The following SKP2 variants were observed in gnomAD, a reference collection of about 807,000 sequenced individuals.
The protein encoded by SKP2 is S-phase kinase associated protein 2, also known as S-phase kinase-associated protein 2.
Under a neutral mutation model 51.8 loss-of-function variants are expected in SKP2, and 16 were observed. The ratio of observed to expected loss-of-function variants is 0.31; its 90% CI spans 0.21 to 0.47. The LOEUF is 0.47. Among genes scored for constraint, SKP2 ranks in the 20% least tolerant of loss-of-function variants. SKP2 has a pLI of 1.00. For synonymous variants in SKP2, 176 were observed against 198.6 expected (o/e 0.89, Z 0.96); for missense variants, 377 against 505.3 (o/e 0.75, Z 2.43).
In SKP2 at chr5:36,190,683, C is replaced by CAAAAAAAAAAAAAA. The variant is rs70973094; in HGVS notation, c.633-1928_633-1915dup. ...AATGATGAAAAACGTCAAACATATG[C>CAAAAAAAAAAAAAA]AAAAAAAAAAAAAAAAAAAAAAAGA... On this transcript the variant is annotated intron_variant, in intron 6 of 7. Transcript: ENST00000677886. Among the ~76,000 whole-genome samples, 25 of 81,176 alleles carry CAAAAAAAAAAAAAA rather than the reference C, an allele frequency of 3.1e-4. 1 individual carries two copies. The highest frequency in any genetic ancestry group is 9.6e-4 in the African/African-American group (18 of 18,738). 53.3% of individuals were successfully genotyped at this position (81,176 alleles called of 152,430 possible). A position where few individuals can be genotyped will look rare whatever the true frequency, so the allele number is the denominator to read the frequency against.
chr5:36,188,411 G>A (rs953040207), downstream of SKP2, among the ~76,000 whole-genome samples: 1 of 152,222 alleles, frequency 6.6e-6, no homozygotes, highest in Non-Finnish European at 1.5e-5. Flanking sequence ...AGGAGCTCTT[G>A]CAGGGCAGGC....
chr5:36,155,624 A>T (rs939050039), intron 2 of SKP2, among the ~76,000 whole-genome samples: 2 of 152,162 alleles, frequency 1.3e-5, no homozygotes, highest in Non-Finnish European at 2.9e-5. Context: ...CTGTTAGTAT[A>T]AAATTTTTTT....
chr5:36,152,376 T>G (rs766542266), intron 1 of SKP2, 106 bp downstream of exon 1: 5 of 1,089,608 alleles, frequency 4.6e-6, no homozygotes, highest in Non-Finnish European at 7.1e-6. Context: ...TGCTGTTAAG[T>G]GAATGGTTGC....
At chr5:36,177,862 G>A (rs191090860) in intron 9 of SKP2, among the ~76,000 whole-genome samples, 1 of 152,212 alleles carries the variant, frequency 6.6e-6, no homozygotes, top group Admixed American at 6.5e-5. Context: ...CAAACCTGAT[G>A]GTGAGTTGGT....
At chr5:36,157,903 C>T (rs1745003662) in intron 2 of SKP2, among the ~76,000 whole-genome samples, 1 of 152,200 alleles carries the variant, frequency 6.6e-6, no homozygotes, top group African/African-American at 2.4e-5. Flanking sequence ...GTTACCTACA[C>T]TGCAAAGATG....
intron 9 of SKP2, among the ~76,000 whole-genome samples, chr5:36,179,381 G>A (rs1031488161): frequency 1.1e-4 from 16 of 152,154 alleles, no homozygotes; most frequent in African/African-American, 2.2e-4. Flanking sequence ...TTTATTTCTC[G>A]GAAGTGGGAA....
intron 2 of SKP2, among the ~76,000 whole-genome samples, chr5:36,161,531 A>C (rs568334911): frequency 6.6e-6 from 1 of 152,322 alleles, no homozygotes; most frequent in Admixed American, 6.5e-5. Context: ...AATTACAGGT[A>C]GCTCCAAATG....
At chr5:36,184,902 C>G (rs967897121), downstream of SKP2, among the ~76,000 whole-genome samples, 6 of 152,206 alleles carry the variant, frequency 3.9e-5, no homozygotes, top group Admixed American at 3.3e-4. Context: ...GATCCTATAT[C>G]TCCACATCCT....
rs528599078 is a variant in SKP2, at chr5:36,184,085, G to A, written c.*2054G>A. ...TTCTTTCTCTTTTTTTAAGTGCTGTGGTTAAAATTTGAAAGCATTTAGTGT... is the reference window on the plus strand; with the variant it reads ...TTCTTTCTCTTTTTTTAAGTGCTGTAGTTAAAATTTGAAAGCATTTAGTGT... On this transcript the variant is annotated 3_prime_UTR_variant, in exon 10 of 10. Coordinates refer to ENST00000274255, the MANE Select transcript of SKP2 (RefSeq NM_005983.4). 65 of 825,026 alleles carry A rather than the reference G, an allele frequency of 7.9e-5. No individual in the cohort carries two copies. The highest frequency in any genetic ancestry group is 1.2e-4 in the Non-Finnish European group (63 of 534,472). 51.1% of individuals were successfully genotyped at this position (825,026 alleles called of 1,614,324 possible).
At chr5:36,152,373 A>G (rs1452828959) in intron 1 of SKP2, 103 bp downstream of exon 1, 3 of 1,113,516 alleles carry the variant, frequency 2.7e-6, no homozygotes, top group Non-Finnish European at 1.4e-6. Context: ...TAATGCTGTT[A>G]AGTGAATGGT....
chr5:36,180,226 G>A lies in SKP2; in HGVS notation c.1062-1592G>A. 3 of 1,328,724 alleles carry A rather than the reference G, an allele frequency of 2.3e-6. No homozygotes were observed. The Middle Eastern group carries it at 6.4e-4, about 282-fold the overall frequency. 82.3% of individuals were successfully genotyped at this position (1,328,724 alleles called of 1,614,324 possible). On this transcript the variant is annotated intron_variant, in intron 9 of 9. Transcript: ENST00000274255. ...ATATACCAGAACCAGAATTCTCATA[G>A]TAATTACAACGTTTCCCAAGTTTCA...
Position 36,152,917 on chromosome 5 carries a change from C to A in SKP2, c.155C>A (p.Pro52His). ...EKEEPDSENI[P>H]QELLSNLGHP... is the part of the protein sequence containing the mutation. Reference sequence around the variant, plus strand: ...GAGGAGCCCGACAGTGAGAACATCCCCCAGGAACTGCTCTCAAACCTGGGC... The same window carrying A: ...GAGGAGCCCGACAGTGAGAACATCCACCAGGAACTGCTCTCAAACCTGGGC... Residue 52 changes from proline (P) to histidine (H), a missense_variant, in exon 2 of 10, where the codon CCC becomes CAC. Coordinates refer to ENST00000274255, the MANE Select transcript of SKP2 (RefSeq NM_005983.4). 1 of 1,614,074 alleles carries A rather than the reference C, an allele frequency of 6.2e-7. No individual in the cohort carries two copies. Among genetic ancestry groups the A allele is most frequent in the Non-Finnish European group, 8.5e-7 (1 of 1,180,020 alleles).
chr5:36,185,664 G>A (rs553344332), downstream of SKP2, among the ~76,000 whole-genome samples: 7 of 151,986 alleles, frequency 4.6e-5, no homozygotes, highest in African/African-American at 1.7e-4. Flanking sequence ...AGCCTTGTAG[G>A]ATAGTTTGAA....
At chr5:36,162,921 G>A (rs1207178889) in intron 2 of SKP2, among the ~76,000 whole-genome samples, 1 of 152,128 alleles carries the variant, frequency 6.6e-6, no homozygotes, top group Non-Finnish European at 1.5e-5. Flanking sequence ...AGAGCAAAGG[G>A]GTCGGGGAAG....
intron 6 of SKP2, among the ~76,000 whole-genome samples, chr5:36,171,253 A>G (rs1273163084): frequency 6.6e-6 from 1 of 152,194 alleles, no homozygotes; most frequent in African/African-American, 2.4e-5. Context: ...TGCGTAAAAC[A>G]TCCTGAGTGA....
intron 6 of SKP2, among the ~76,000 whole-genome samples, chr5:36,191,853 A>C (rs1217709783): frequency 6.6e-6 from 1 of 152,122 alleles, no homozygotes; most frequent in Non-Finnish European, 1.5e-5. Flanking sequence ...TTCTTCACCA[A>C]GAGACTAACC....
rs926472915 is a variant in SKP2 at position 36,184,068 on chromosome 5, CTTTTTT to C, written c.*2039_*2044del. The C allele has an allele frequency of 1.1e-6, 1 of 949,898 alleles. No homozygotes were observed. The highest frequency in any genetic ancestry group is 2.7e-5 in the Admixed American group (1 of 36,396). The allele number at this position is 949,898 out of a possible 1,614,324, so 58.8% of individuals were successfully genotyped here. A position where few individuals can be genotyped will look rare whatever the true frequency, so the allele number is the denominator to read the frequency against. ...TAAGTTGTATTCCTTTTTTCTTTCTCTTTTTTTAAGTGCTGTGGTTAAAATTTGAAA... is the reference window on the plus strand; with the variant it reads ...TAAGTTGTATTCCTTTTTTCTTTCTCTAAGTGCTGTGGTTAAAATTTGAAA... On this transcript the variant is annotated 3_prime_UTR_variant, in exon 10 of 10. Coordinates refer to ENST00000274255, the MANE Select transcript of SKP2 (RefSeq NM_005983.4).
chr5:36,185,512 C>T (rs1218515965), downstream of SKP2, among the ~76,000 whole-genome samples: 16 of 152,192 alleles, frequency 1.1e-4, no homozygotes, highest in Non-Finnish European at 2.9e-5. Context: ...AATAGGGAAT[C>T]ATTTCCCCAT....
intron 2 of SKP2, among the ~76,000 whole-genome samples, chr5:36,162,082 C>T (rs1266363489): frequency 6.6e-6 from 1 of 152,248 alleles, no homozygotes; most frequent in Non-Finnish European, 1.5e-5. Context: ...ATCCACCTTT[C>T]TGTTCTAAAC....
Sources: allele counts gnomAD v4.1 joint callset (sites outside exome capture counted in the v4.1 genomes callset), GRCh38; gene constraint gnomAD v4.1.1; transcripts MANE v1.5; gene names NCBI Gene and HGNC (gene_info 2026-07-23, HGNC 2026-07-21).